The following ASCC3 variants were observed in gnomAD, a reference collection of about 807,000 sequenced individuals.
ASCC3 encodes the protein activating signal cointegrator 1 complex subunit 3.
ASCC3 carries 158 observed loss-of-function variants against 256.3 expected under a neutral mutation model. The observed-to-expected ratio is 0.62, with a 90% confidence interval of 0.54 to 0.70. The LOEUF (loss-of-function observed/expected upper bound fraction) is 0.70. Among genes scored for constraint, ASCC3 ranks in the 30% least tolerant of loss-of-function variants. The pLI is 0.00. For missense variants in ASCC3, 2,259 were observed against 2,626.0 expected (o/e 0.86, Z 3.05); for synonymous variants, 948 against 883.4 (o/e 1.07, Z -1.30).
rs1168156144 is a variant in ASCC3, at chr6:100,848,332, T to A, written c.617A>T (p.Glu206Val). 1.2e-6 allele frequency: 2 copies of A among 1,614,114 alleles called. No individual in the cohort carries two copies. Among genetic ancestry groups the A allele is most frequent in the South Asian group, 2.2e-5 (2 of 91,076 alleles). ...YKKFLNEHLQ[E>V]ACTPELKPVE... is the part of the protein sequence containing the mutation. ...AGGCTTGAGTTCTGGGGTGCAAGCC[T>A]CCTGGAGATGTTCATTCAGAAACTT... The change falls in exon 4 of 42, where the codon GAG (glutamate) becomes GTG (valine). Residue 206 changes from glutamate (E) to valine (V), a missense_variant. Glu to Val is a moderately radical substitution (Grantham distance 121). Transcript: ENST00000369162.
intron 13 of ASCC3, among the ~76,000 whole-genome samples, chr6:100,697,667 A>T (rs934820383): frequency 6.6e-6 from 1 of 152,074 alleles, no homozygotes; most frequent in Non-Finnish European, 1.5e-5. Context: ...GGAAGACAAG[A>T]ATGAAAAAAG....
Position 100,572,391 on chromosome 6 carries a change from A to G in ASCC3, c.5550+17243T>C, listed in dbSNP as rs947973275. Among the ~76,000 whole-genome samples the G allele has an allele frequency of 2.6e-5, 4 of 152,274 alleles. No individual in the cohort carries two copies. In the South Asian group the frequency reaches 6.2e-4, roughly 24 times the overall value. ...TAGCCTCTAGAACTGTGAGAAATAAATATCTGTTATTAAAGCTACCCATTC... is the reference window on the plus strand; with the variant it reads ...TAGCCTCTAGAACTGTGAGAAATAAGTATCTGTTATTAAAGCTACCCATTC... On this transcript the variant is annotated intron_variant, in intron 36 of 41. Transcript: ENST00000369162.
intron 36 of ASCC3, among the ~76,000 whole-genome samples, chr6:100,558,166 G>A (rs1192509812): frequency 1.3e-5 from 2 of 151,564 alleles, no homozygotes; most frequent in African/African-American, 4.8e-5. Flanking sequence ...GATACTATAA[G>A]TGCTCAAAAG....
chr6:100,698,217 T>C (rs1019708028), intron 13 of ASCC3, among the ~76,000 whole-genome samples: 4 of 152,132 alleles, frequency 2.6e-5, no homozygotes, highest in African/African-American at 7.2e-5. Context: ...AAGTATGTAT[T>C]AGTTCAGTAA....
At chr6:100,659,041 C>T (rs1236287184) in intron 16 of ASCC3, among the ~76,000 whole-genome samples, 2 of 151,138 alleles carry the variant, frequency 1.3e-5, no homozygotes, top group Non-Finnish European at 3.0e-5. Context: ...CATTATGCAT[C>T]GATAAGCAAA....
intron 36 of ASCC3, among the ~76,000 whole-genome samples, chr6:100,582,234 C>T (rs900690297): frequency 6.6e-6 from 1 of 151,896 alleles, no homozygotes; most frequent in Non-Finnish European, 1.5e-5. Context: ...AATGTTCTTC[C>T]ATTTGTTTGT....
chr6:100,573,531 C>T (rs1770702362), intron 36 of ASCC3, among the ~76,000 whole-genome samples: 1 of 151,908 alleles, frequency 6.6e-6, no homozygotes, highest in Non-Finnish European at 1.5e-5. Flanking sequence ...CCATATTTTC[C>T]ACTTATTTAA....
intron 14 of ASCC3, among the ~76,000 whole-genome samples, chr6:100,677,384 T>C (rs1777077879): frequency 6.6e-6 from 1 of 151,854 alleles, no homozygotes; most frequent in Non-Finnish European, 1.5e-5. Flanking sequence ...AGCTCCAGAC[T>C]GGATTTGATC....
At chr6:100,614,133 C>G (rs149079181) in intron 30 of ASCC3, among the ~76,000 whole-genome samples, 5 of 152,214 alleles carry the variant, frequency 3.3e-5, no homozygotes, top group African/African-American at 9.6e-5. Context: ...CTGATTATAA[C>G]TTTTATCTTT....
chr6:100,794,592 T>C (rs1171982808), intron 8 of ASCC3, among the ~76,000 whole-genome samples: 2 of 152,044 alleles, frequency 1.3e-5, no homozygotes, highest in African/African-American at 4.8e-5. Flanking sequence ...TAACTTAAGA[T>C]CAGAGATAAT....
intron 36 of ASCC3, among the ~76,000 whole-genome samples, chr6:100,577,380 A>G (rs565878022): frequency 6.6e-6 from 1 of 152,122 alleles, no homozygotes; most frequent in South Asian, 2.1e-4. Flanking sequence ...TTTTGGTCCC[A>G]TTGATTCAAA....
intron 2 of ASCC3, among the ~76,000 whole-genome samples, chr6:100,865,594 C>T (rs1488807677): frequency 6.6e-6 from 1 of 152,116 alleles, no homozygotes; most frequent in African/African-American, 2.4e-5. Flanking sequence ...TATCACAAAC[C>T]TGTTACAAAA....
intron 36 of ASCC3, among the ~76,000 whole-genome samples, chr6:100,589,295 T>C (rs773476431): frequency 8.5e-5 from 13 of 152,228 alleles, no homozygotes; most frequent in Non-Finnish European, 4.4e-5. Context: ...TCCAAAAAAG[T>C]AATAAGAAAA....
At chr6:100,596,082 C>A (rs931545342) in intron 34 of ASCC3, among the ~76,000 whole-genome samples, 1 of 152,014 alleles carries the variant, frequency 6.6e-6, no homozygotes, top group South Asian at 2.1e-4. Context: ...ATGGTCTATA[C>A]CTTTCGTTTT....
chr6:100,806,495 T>C (rs752514709), intron 4 of ASCC3, among the ~76,000 whole-genome samples: 1 of 151,904 alleles, frequency 6.6e-6, no homozygotes, highest in Non-Finnish European at 1.5e-5. Flanking sequence ...AGTGTTAGGA[T>C]TCAGAGTTTC....
At chr6:100,623,215 T>C (rs1273261319) in intron 30 of ASCC3, among the ~76,000 whole-genome samples, 1 of 152,154 alleles carries the variant, frequency 6.6e-6, no homozygotes, top group East Asian at 1.9e-4. Flanking sequence ...AAAAAATCTT[T>C]TATCAACATT....
intron 3 of ASCC3, among the ~76,000 whole-genome samples, chr6:100,854,798 C>T (rs549884205): frequency 6.6e-6 from 1 of 152,052 alleles, no homozygotes; most frequent in Admixed American, 6.6e-5. Context: ...TATAATAAAA[C>T]CATCATTTTG....
chr6:100,582,695 C>T (rs1325999231), intron 36 of ASCC3, among the ~76,000 whole-genome samples: 3 of 151,592 alleles, frequency 2.0e-5, no homozygotes, highest in South Asian at 2.1e-4. Context: ...CCAGTTTTTG[C>T]CCATTCAGTA....
At chr6:100,685,128 G>C (rs1337220861) in intron 13 of ASCC3, among the ~76,000 whole-genome samples, 1 of 151,968 alleles carries the variant, frequency 6.6e-6, no homozygotes, top group African/African-American at 2.4e-5. Flanking sequence ...TCTTTTCTAG[G>C]AATACTGCTA....
Sources: allele counts gnomAD v4.1 joint callset (sites outside exome capture counted in the v4.1 genomes callset), GRCh38; gene constraint gnomAD v4.1.1; transcripts MANE v1.5; gene names NCBI Gene and HGNC (gene_info 2026-07-23, HGNC 2026-07-21).